The following PGC variants were observed in gnomAD, a reference collection of about 807,000 sequenced individuals.
The protein encoded by PGC is progastricsin.
In PGC, 31 loss-of-function variants were observed where a neutral mutation model predicts 45.9. That is an observed-to-expected ratio of 0.67 (90% CI 0.51 to 0.91). PGC has a LOEUF of 0.91. Among genes scored for constraint, PGC ranks in the 40% least tolerant of loss-of-function variants. PGC has a pLI of 0.00. For synonymous variants in PGC, 192 were observed against 201.8 expected (o/e 0.95, Z 0.41); for missense variants, 477 against 493.2 (o/e 0.97, Z 0.31).
intron 7 of PGC, 96 bp from the exon 8 acceptor site, chr6:41,737,924 G>C: frequency 1.4e-6 from 1 of 728,400 alleles, no homozygotes; most frequent in Non-Finnish European, 2.4e-6. Flanking sequence ...CCTGAGCTCC[G>C]GGCCCAAGCC....
intron 4 of PGC, 42 bp from the exon 5 acceptor site, chr6:41,742,531 C>T: frequency 6.8e-7 from 1 of 1,469,308 alleles, no homozygotes; most frequent in East Asian, 2.3e-5. Context: ...AGTCTGACTC[C>T]ACTCACCTCC....
chr6:41,744,645 G>A lies in PGC; in HGVS notation c.210+13C>T. 1 of 1,613,812 alleles carries A rather than the reference G, an allele frequency of 6.2e-7. No individual in the cohort carries two copies. Among genetic ancestry groups the A allele is most frequent in the Non-Finnish European group, 8.5e-7 (1 of 1,179,788 alleles). ...CAGAGAGAAGGCTACCGCCAGAAAGGGTCAGGACTCACATCCATGTAGGCC... is the reference window on the plus strand; with the variant it reads ...CAGAGAGAAGGCTACCGCCAGAAAGAGTCAGGACTCACATCCATGTAGGCC... On this transcript the variant is annotated intron_variant, in intron 2 of 8. Coordinates refer to ENST00000373025, the MANE Select transcript of PGC (RefSeq NM_002630.4). The surrounding 1 kb of genome is among the most constrained non-coding windows in gnomAD (Gnocchi z 4.4).
chr6:41,738,147 T>TATATATGC (rs1771728626), intron 7 of PGC, among the ~76,000 whole-genome samples: 1 of 56,876 alleles, frequency 1.8e-5, no homozygotes, highest in African/African-American at 6.6e-5. Context: ...TATATATGCA[T>TATATATGC]ATATATATAC....
chr6:41,743,162 C>T, intron 4 of PGC, 109 bp downstream of exon 4: 1 of 763,316 alleles, frequency 1.3e-6, no homozygotes, highest in South Asian at 1.5e-5. Context: ...GCCTTCCTGT[C>T]CTGCACACCA....
chr6:41,744,393 T>G lies in PGC; in HGVS notation c.328+4A>C. 6.2e-7 allele frequency: 1 copy of G among 1,600,344 alleles called. No homozygotes were observed. The highest frequency in any genetic ancestry group is 8.5e-7 in the Non-Finnish European group (1 of 1,169,676). ...CACCCCTCTCTGCCCAGCCCAGCACTCACTGCAGGCCTGGCTCTGGCAGTA... is the reference window on the plus strand; with the variant it reads ...CACCCCTCTCTGCCCAGCCCAGCACGCACTGCAGGCCTGGCTCTGGCAGTA... On this transcript the variant is annotated splice_donor_region_variant and intron_variant, in intron 3 of 8. Transcript: ENST00000373025. This position sits in a 1 kb window ranked among gnomAD's most constrained non-coding sequence, Gnocchi z 4.4.
At chr6:41,742,590 C>A in intron 4 of PGC, 101 bp from the exon 5 acceptor site, 1 of 807,476 alleles carries the variant, frequency 1.2e-6, no homozygotes, top group Admixed American at 2.1e-5. Flanking sequence ...CCCTTCCTCA[C>A]CTCTGCCCCC....
chr6:41,738,828 A>G (rs1388260643), intron 7 of PGC, among the ~76,000 whole-genome samples: 1 of 152,000 alleles, frequency 6.6e-6, no homozygotes. Context: ...GCGTGGTGAC[A>G]TACACCTGTA....
chr6:41,738,250 GCATATATATATATGCA>G (rs1561880047), intron 7 of PGC, among the ~76,000 whole-genome samples: 784 of 9,760 alleles, frequency 0.08, 109 homozygotes, highest in African/African-American at 0.12. Context: ...ATATATATAT[GCATATATATATATGCA>G]CACACACACA....
chr6:41,736,888 C>A lies in PGC; in HGVS notation c.1131G>T (p.Leu377Phe), dbSNP rs112369210. 1 of 1,614,082 alleles carries A rather than the reference C, an allele frequency of 6.2e-7. No homozygotes were observed. The highest frequency in any genetic ancestry group is 1.7e-5 in the Admixed American group (1 of 60,010). ...FLRSYYSVYD[L>F]GNNRVGFATA... ...TGGCAAAGCCTACTCTGTTGTTGCC[C>A]AAGTCGTAGACGGAATAGTAGGACC... The change falls in exon 9 of 9, where the codon TTG becomes TTT. Residue 377 changes from leucine to phenylalanine, a missense_variant. Leu to Phe is a conservative substitution (Grantham distance 22). Transcript: ENST00000373025.
At chr6:41,738,755 G>A (rs753156901) in intron 7 of PGC, among the ~76,000 whole-genome samples, 4 of 151,998 alleles carry the variant, frequency 2.6e-5, no homozygotes, top group Non-Finnish European at 5.9e-5. Context: ...TCAGGAGTTC[G>A]AGACCAGCCT....
chr6:41,741,312 T>G, intron 5 of PGC: 1 of 1,209,458 alleles, frequency 8.3e-7, no homozygotes, highest in Non-Finnish European at 1.1e-6. Context: ...GAACTTCAGA[T>G]TCCCCAGATT....
intron 1 of PGC, 83 bp downstream of exon 1, chr6:41,747,193 G>A (rs370827082): frequency 1.8e-6 from 2 of 1,135,118 alleles, no homozygotes; most frequent in Non-Finnish European, 2.7e-6. Context: ...GACAGGCAGG[G>A]TGTCCCCTGG....
chr6:41,742,742 A>G (rs1347641345), intron 4 of PGC, among the ~76,000 whole-genome samples: 2 of 152,202 alleles, frequency 1.3e-5, no homozygotes, highest in Non-Finnish European at 2.9e-5. Context: ...CTCCTGCCTC[A>G]GCCTCCCGAG....
rs112020139 is a variant in PGC at position 41,742,728 on chromosome 6, G to A, written c.448-239C>T. Among the ~76,000 whole-genome samples the A allele has an allele frequency of 1.6e-4, 24 of 152,316 alleles. 1 individual carries two copies. Among genetic ancestry groups the A allele is most frequent in the African/African-American group, 5.1e-4 (21 of 41,556 alleles). Reference sequence around the variant, plus strand: ...CAACCTCTGCTCCCCTGGTTCTAGCGATTCTCCTGCCTCAGCCTCCCGAGT... The same window carrying A: ...CAACCTCTGCTCCCCTGGTTCTAGCAATTCTCCTGCCTCAGCCTCCCGAGT... On this transcript the variant is annotated intron_variant, in intron 4 of 8. Transcript: ENST00000373025.
At chr6:41,743,208 A>G in intron 4 of PGC, 63 bp downstream of exon 4, 2 of 995,652 alleles carry the variant, frequency 2.0e-6, no homozygotes, top group Non-Finnish European at 3.2e-6. Context: ...AGGAGAGTCC[A>G]TCTAACTGTC....
chr6:41,740,916 G>A, intron 5 of PGC: 1 of 1,460,284 alleles, frequency 6.8e-7, no homozygotes, highest in Non-Finnish European at 9.0e-7. Flanking sequence ...GCTCCCTGGG[G>A]ACTGGGATGC....
intron 7 of PGC, 136 bp downstream of exon 7, chr6:41,739,663 C>T: frequency 1.2e-6 from 1 of 818,132 alleles, no homozygotes; most frequent in East Asian, 2.7e-5. Flanking sequence ...AAAAGATCTG[C>T]CTGCCTTGGC....
In PGC at chr6:41,736,809, G is replaced by C. The variant is rs1200666304; in HGVS notation, c.*43C>G. 6 of 1,607,908 alleles carry C rather than the reference G, an allele frequency of 3.7e-6. No homozygotes were observed. The highest frequency in any genetic ancestry group is 1.3e-5 in the African/African-American group (1 of 74,810). On this transcript the variant is annotated 3_prime_UTR_variant, in exon 9 of 9. Transcript: ENST00000373025. ...AGATACAATGCCCTAGGAGGGTGCA[G>C]GGTCAAGAGGAAGAGGGGAGCCCAC...
At chr6:41,738,390 G>A (rs1418703046) in intron 7 of PGC, among the ~76,000 whole-genome samples, 1 of 151,472 alleles carries the variant, frequency 6.6e-6, no homozygotes, top group Non-Finnish European at 1.5e-5. Context: ...TACTTTGGGA[G>A]GCCGAGGTAG....
Sources: allele counts gnomAD v4.1 joint callset (sites outside exome capture counted in the v4.1 genomes callset), GRCh38; gene constraint gnomAD v4.1.1; non-coding constraint Gnocchi (gnomAD v3.1); transcripts MANE v1.5; gene names NCBI Gene and HGNC (gene_info 2026-07-23, HGNC 2026-07-21).